The following SGCG variants were observed in gnomAD, a reference collection of about 807,000 sequenced individuals.
SGCG encodes the protein sarcoglycan gamma.
SGCG carries 26 observed loss-of-function variants against 29.3 expected under a neutral mutation model. The observed-to-expected ratio is 0.89, with a 90% CI of 0.65 to 1.23. SGCG has a LOEUF of 1.23. SGCG is among the 50% of genes most tolerant of loss of function. The pLI, the probability that SGCG is intolerant of heterozygous loss-of-function variation, is 0.00. For synonymous variants in SGCG, 145 were observed against 129.7 expected (o/e 1.12, Z -0.80); for missense variants, 353 against 356.0 (o/e 0.99, Z 0.07).
rs185052992 is a variant in SGCG, at chr13:23,217,700, T to G, written c.195+13811T>G. 3.2e-3 allele frequency among the ~76,000 whole-genome samples: 491 copies of G among 151,480 alleles called. 2 individuals are homozygous for G. The highest frequency in any genetic ancestry group is 0.011 in the African/African-American group (462 of 40,992). On this transcript the variant is annotated intron_variant, in intron 2 of 7. Transcript: ENST00000218867. ...TTATTTTTACTAGCATCTAGTATAC[T>G]GCTACCATGTAATAGGTACTCAACA...
chr13:23,273,137 G>A (rs1880929842), intron 4 of SGCG, among the ~76,000 whole-genome samples: 1 of 149,198 alleles, frequency 6.7e-6, no homozygotes. Flanking sequence ...GCTTTCTTTT[G>A]ACTCACTTTG....
chr13:23,169,035 A>G, the SGCG span, among the ~76,000 whole-genome samples: 1,949 of 151,672 alleles, frequency 0.013, 41 homozygotes, highest in African/African-American at 0.044. Context: ...CATAAGGTTT[A>G]GTAATTTATA....
At chr13:23,273,752 C>T (rs976911477) in intron 4 of SGCG, among the ~76,000 whole-genome samples, 1 of 152,156 alleles carries the variant, frequency 6.6e-6, no homozygotes, top group South Asian at 2.1e-4. Flanking sequence ...GGTCTTTCTA[C>T]GTTATGAAAG....
At chr13:23,270,528 A>AT (rs1880833796) in intron 4 of SGCG, among the ~76,000 whole-genome samples, 1 of 152,026 alleles carries the variant, frequency 6.6e-6, no homozygotes, top group African/African-American at 2.4e-5. Flanking sequence ...CAGAATTGTC[A>AT]TTTTTTATTC....
chr13:23,208,413 A>G (rs916474458), intron 2 of SGCG, among the ~76,000 whole-genome samples: 1 of 152,282 alleles, frequency 6.6e-6, no homozygotes, highest in Non-Finnish European at 1.5e-5. Flanking sequence ...CCCAGATAAC[A>G]TTAGACGAGA....
chr13:23,229,011 A>G (rs1402526858), intron 2 of SGCG, among the ~76,000 whole-genome samples: 1 of 152,174 alleles, frequency 6.6e-6, no homozygotes, highest in Non-Finnish European at 1.5e-5. Context: ...CTGGGACTAC[A>G]GGCATGCGCC....
At chr13:23,183,258 C>T (rs753206061) in intron 1 of SGCG, among the ~76,000 whole-genome samples, 13 of 152,106 alleles carry the variant, frequency 8.5e-5, no homozygotes, top group African/African-American at 1.4e-4. Flanking sequence ...TAGCTTCCAT[C>T]GGCATCACCC....
At chr13:23,172,395 T>C in the SGCG span, among the ~76,000 whole-genome samples, 1 of 152,094 alleles carries the variant, frequency 6.6e-6, no homozygotes, top group Non-Finnish European at 1.5e-5. Context: ...ATTCAAATAT[T>C]ACTATAGTAT....
the SGCG span, among the ~76,000 whole-genome samples, chr13:23,172,627 T>C: frequency 6.6e-6 from 1 of 152,210 alleles, no homozygotes; most frequent in African/African-American, 2.4e-5. Flanking sequence ...TACTTAAGCA[T>C]AGAAAGTTTA....
chr13:23,274,336 C>G (rs2137608390), intron 4 of SGCG, among the ~76,000 whole-genome samples: 1 of 151,758 alleles, frequency 6.6e-6, no homozygotes, highest in East Asian at 1.9e-4. Flanking sequence ...ATTTTTCTCC[C>G]TCAACTCACA....
chr13:23,320,548 A>G (rs1593112555), intron 6 of SGCG, 89 bp from the exon 7 acceptor site: 2 of 1,114,434 alleles, frequency 1.8e-6, no homozygotes, highest in African/African-American at 3.1e-5. Context: ...CTTACTAGTT[A>G]TATTTCCCAT....
At position 23,324,349 on chromosome 13, in the gene SGCG, C is replaced by T. The variant is rs1051922693; in HGVS notation, c.703-19C>T. On this transcript the variant is annotated intron_variant, in intron 7 of 7. Coordinates refer to ENST00000218867, the MANE Select transcript of SGCG (RefSeq NM_000231.3). ...GTGGCCCTTCCTTAACTCTTCGTCT[C>T]TCATCTTCTCCCAACCAGCTTGTGC... is the stretch of plus-strand genomic sequence containing the variant. The T allele has an allele frequency of 6.2e-7, 1 of 1,613,954 alleles. No homozygotes were observed. Among genetic ancestry groups the T allele is most frequent in the Non-Finnish European group, 8.5e-7 (1 of 1,179,870 alleles).
At chr13:23,323,073 C>G (rs560008744) in intron 7 of SGCG, among the ~76,000 whole-genome samples, 1 of 152,230 alleles carries the variant, frequency 6.6e-6, no homozygotes, top group African/African-American at 2.4e-5. Context: ...ATGGTGCCAT[C>G]ATCAAGCCAG....
At chr13:23,198,839 C>G (rs1463942343) in intron 1 of SGCG, among the ~76,000 whole-genome samples, 2 of 118,280 alleles carry the variant, frequency 1.7e-5, no homozygotes, top group Non-Finnish European at 3.5e-5. Flanking sequence ...AAGCGAGACT[C>G]CATCTCAAAA....
chr13:23,311,260 ATGT>A (rs1882590123), intron 6 of SGCG, among the ~76,000 whole-genome samples: 1 of 152,190 alleles, frequency 6.6e-6, no homozygotes. Context: ...TTTATTGTTA[ATGT>A]TGGCCATCTG....
At chr13:23,189,264 C>T (rs1444895746) in intron 1 of SGCG, among the ~76,000 whole-genome samples, 10 of 152,210 alleles carry the variant, frequency 6.6e-5, no homozygotes, top group Admixed American at 6.5e-4. Flanking sequence ...GCAACCTCCG[C>T]CTCCTGGGTT....
rs150885181 is a variant in SGCG at position 23,225,740 on chromosome 13, C to G, written c.196-8871C>G. On this transcript the variant is annotated intron_variant, in intron 2 of 7. Coordinates refer to ENST00000218867, the MANE Select transcript of SGCG (RefSeq NM_000231.3). ...TCCAGAGCCAGATATGCTCACTGCT[C>G]TTGTGATTCTGCTCCCAGGCCCTCT... Among the ~76,000 whole-genome samples, 26 of 151,852 alleles carry G rather than the reference C, an allele frequency of 1.7e-4. 1 individual carries two copies. The highest frequency in any genetic ancestry group is 5.6e-4 in the African/African-American group (23 of 41,358).
chr13:23,291,836 T>A (rs1289438846), intron 5 of SGCG, among the ~76,000 whole-genome samples: 1 of 152,200 alleles, frequency 6.6e-6, no homozygotes, highest in Non-Finnish European at 1.5e-5. Context: ...GTTGATTATA[T>A]GAAATGGGTC....
chr13:23,255,090 G>A (rs1339803500), intron 4 of SGCG, among the ~76,000 whole-genome samples: 1 of 152,238 alleles, frequency 6.6e-6, no homozygotes, highest in African/African-American at 2.4e-5. Context: ...GCATTGCCTA[G>A]TGGAGCTATG....
Sources: allele counts gnomAD v4.1 joint callset (sites outside exome capture counted in the v4.1 genomes callset), GRCh38; gene constraint gnomAD v4.1.1; transcripts MANE v1.5; gene names NCBI Gene and HGNC (gene_info 2026-07-23, HGNC 2026-07-21).